The following RASSF8 variants were observed in gnomAD, a reference collection of about 807,000 sequenced individuals.
RASSF8 encodes the protein ras association domain-containing protein 8.
A neutral mutation model predicts 48.5 loss-of-function variants in RASSF8; 22 were observed. The ratio of observed to expected loss-of-function variants is 0.45; its 90% confidence interval spans 0.32 to 0.65. RASSF8 has a LOEUF of 0.65. Among genes scored for constraint, RASSF8 ranks in the 30% least tolerant of loss-of-function variants. The pLI is 0.03. For synonymous variants in RASSF8, 127 were observed against 171.5 expected (o/e 0.74, Z 2.03); for missense variants, 418 against 489.2 (o/e 0.85, Z 1.37).
rs1454373644 is a variant in RASSF8 at position 26,035,410 on chromosome 12, T to TATATA, written c.-108-19824_-108-19820dup. ...ATATAATTATATGAAATTATATAAT[T>TATATA]ATATAAGTATATGAAATTATATAAT... On this transcript the variant is annotated intron_variant, in intron 2 of 5. Transcript: ENST00000689635. 1.6e-3 allele frequency among the ~76,000 whole-genome samples: 223 copies of TATATA among 138,300 alleles called. 1 individual carries two copies. The highest frequency in any genetic ancestry group is 5.8e-3 in the African/African-American group (217 of 37,298). The allele number at this position is 138,300 out of a possible 152,430, so 90.7% of individuals were successfully genotyped here.
chr12:26,068,917 A>C lies in RASSF8; in HGVS notation c.*99A>C. ...TGATGAACAGAGGATCTATTCCACA[A>C]GACGCTGTATGTTTTTTCTCTCCTA... On this transcript the variant is annotated 3_prime_UTR_variant, in exon 6 of 6. Coordinates refer to ENST00000689635, the MANE Select transcript of RASSF8 (RefSeq NM_001394098.1). 1 of 1,481,406 alleles carries C rather than the reference A, an allele frequency of 6.8e-7. No homozygotes were observed. Among genetic ancestry groups the C allele is most frequent in the Non-Finnish European group, 8.9e-7 (1 of 1,118,848 alleles). The allele number at this position is 1,481,406 out of a possible 1,614,324, so 91.8% of individuals were successfully genotyped here.
chr12:25,962,599 T>C (rs1281135276), intron 1 of RASSF8, among the ~76,000 whole-genome samples: 1 of 149,730 alleles, frequency 6.7e-6, no homozygotes, highest in Non-Finnish European at 1.5e-5. Flanking sequence ...TATCTTTATC[T>C]TTTTTTTTTG....
At chr12:26,026,836 C>T (rs559368049) in intron 2 of RASSF8, among the ~76,000 whole-genome samples, 1 of 152,250 alleles carries the variant, frequency 6.6e-6, no homozygotes, top group Non-Finnish European at 1.5e-5. Context: ...AACAGTCTGG[C>T]AGTTCTTGAA....
At chr12:25,962,025 C>A (rs921577189) in intron 1 of RASSF8, among the ~76,000 whole-genome samples, 1 of 151,274 alleles carries the variant, frequency 6.6e-6, no homozygotes, top group African/African-American at 2.4e-5. Context: ...CTCTGCACCC[C>A]TTGCAGTCTG....
chr12:26,025,553 ACT>A lies in RASSF8; in HGVS notation c.-108-29680_-108-29679del, dbSNP rs1447937655. Among the ~76,000 whole-genome samples, 5 of 118,752 alleles carry A rather than the reference ACT, an allele frequency of 4.2e-5. No homozygotes were observed. In the East Asian group the frequency reaches 9.8e-4, roughly 23 times the overall value. The allele number at this position is 118,752 out of a possible 152,430, so 77.9% of individuals were successfully genotyped here. On this transcript the variant is annotated intron_variant, in intron 2 of 5. Coordinates refer to ENST00000689635, the MANE Select transcript of RASSF8 (RefSeq NM_001394098.1). ...CTCTAGCCCTGGGCGACAGAGTGAGACTCTGTCTCAAAAAAAAAAAAAAAAAA... is the reference window on the plus strand; with the variant it reads ...CTCTAGCCCTGGGCGACAGAGTGAGACTGTCTCAAAAAAAAAAAAAAAAAA...
intron 3 of RASSF8, among the ~76,000 whole-genome samples, chr12:26,059,046 T>C (rs1260885461): frequency 6.6e-6 from 1 of 152,226 alleles, no homozygotes; most frequent in Non-Finnish European, 1.5e-5. Context: ...GAAATGCATT[T>C]TTTTCAGAGT....
intron 1 of RASSF8, among the ~76,000 whole-genome samples, chr12:25,984,956 A>G (rs929579480): frequency 1.3e-5 from 2 of 152,188 alleles, no homozygotes; most frequent in Non-Finnish European, 2.9e-5. Flanking sequence ...GCCAAATTTT[A>G]TGGACATTAA....
intron 1 of RASSF8, among the ~76,000 whole-genome samples, chr12:25,993,125 A>C (rs752532559): frequency 1.2e-4 from 19 of 152,282 alleles, no homozygotes; most frequent in Non-Finnish European, 2.4e-4. Flanking sequence ...AGCACATTAC[A>C]TTCCCAGGGT....
At chr12:26,010,282 C>G (rs2137018775) in intron 2 of RASSF8, among the ~76,000 whole-genome samples, 2 of 152,306 alleles carry the variant, frequency 1.3e-5, no homozygotes, top group East Asian at 3.9e-4. Context: ...AAGGTAGAAC[C>G]AATGGCTTTT....
chr12:26,069,851 C>G lies in RASSF8; in HGVS notation c.*1033C>G. The G allele has an allele frequency of 2.0e-6, 2 of 984,996 alleles. No individual in the cohort carries two copies. The highest frequency in any genetic ancestry group is 2.4e-6 in the Non-Finnish European group (2 of 829,582). The allele number at this position is 984,996 out of a possible 1,614,324, so 61.0% of individuals were successfully genotyped here. ...ATATTATGGACCATTGTGGTTTCTT[C>G]CAGTCACTTAGATGGAAAGGAGGTT... is the stretch of plus-strand genomic sequence containing the variant. On this transcript the variant is annotated 3_prime_UTR_variant, in exon 6 of 6. Transcript: ENST00000689635.
chr12:26,036,694 G>C (rs764693939), intron 2 of RASSF8, among the ~76,000 whole-genome samples: 62 of 152,106 alleles, frequency 4.1e-4, no homozygotes, highest in Non-Finnish European at 7.2e-4. Context: ...GATCACCTGA[G>C]GTCAGGAGTT....
At chr12:26,001,199 A>ATTTT (rs34731435) in intron 2 of RASSF8, among the ~76,000 whole-genome samples, 3 of 136,944 alleles carry the variant, frequency 2.2e-5, no homozygotes, top group Non-Finnish European at 3.1e-5. Context: ...CTAATTTTTA[A>ATTTT]TTTTTTTTTT....
chr12:26,039,488 C>T (rs983481708), intron 2 of RASSF8, among the ~76,000 whole-genome samples: 2 of 151,636 alleles, frequency 1.3e-5, no homozygotes, highest in East Asian at 1.9e-4. Flanking sequence ...GGGCGGGGGT[C>T]GGTGTTGCAA....
Position 25,993,627 on chromosome 12 carries a change from G to T in RASSF8, c.-202-1410G>T, listed in dbSNP as rs150044730. ...TCCAGTCGTCTTTCGCAGCAGGGTT[G>T]ACCCTTCATTGCTTTTTGGATGGCA... On this transcript the variant is annotated intron_variant, in intron 1 of 5. Coordinates refer to ENST00000689635, the MANE Select transcript of RASSF8 (RefSeq NM_001394098.1). Among the ~76,000 whole-genome samples the T allele has an allele frequency of 3.2e-3, 486 of 152,242 alleles. 2 individuals carry two copies. The highest frequency in any genetic ancestry group is 0.011 in the African/African-American group (443 of 41,536).
chr12:26,068,992 A>C lies in RASSF8; in HGVS notation c.*174A>C. On this transcript the variant is annotated 3_prime_UTR_variant, in exon 6 of 6. Transcript: ENST00000689635. ...CCCTGTGCACTGATGCTAAAGAACA[A>C]AGAAACTGTGTTTTCACACATCAAC... The C allele has an allele frequency of 2.2e-6, 3 of 1,341,070 alleles. No homozygotes were observed. Among genetic ancestry groups the C allele is most frequent in the Non-Finnish European group, 2.9e-6 (3 of 1,044,514 alleles). 83.1% of individuals were successfully genotyped at this position (1,341,070 alleles called of 1,614,324 possible).
Position 26,072,831 on chromosome 12 carries a change from A to T in RASSF8, c.*4013A>T. On this transcript the variant is annotated 3_prime_UTR_variant, in exon 6 of 6. Transcript: ENST00000689635. Reference sequence around the variant, plus strand: ...GTAAAACAAAGAATCAATATTGGATATTCTCCCAAATAATAAATTTTCAGG... The same window carrying T: ...GTAAAACAAAGAATCAATATTGGATTTTCTCCCAAATAATAAATTTTCAGG... 1 of 909,472 alleles carries T rather than the reference A, an allele frequency of 1.1e-6. No individual in the cohort carries two copies. The highest frequency in any genetic ancestry group is 1.3e-6 in the Non-Finnish European group (1 of 760,962). The allele number at this position is 909,472 out of a possible 1,614,324, so 56.3% of individuals were successfully genotyped here. A position where few individuals can be genotyped will look rare whatever the true frequency, so the allele number is the denominator to read the frequency against.
chr12:26,043,744 A>T (rs1345807310), intron 2 of RASSF8, among the ~76,000 whole-genome samples: 2 of 152,228 alleles, frequency 1.3e-5, no homozygotes, highest in East Asian at 3.8e-4. Flanking sequence ...TACTGCAGAG[A>T]GAAAGAATGG....
At chr12:25,988,466 A>G (rs556209803) in intron 1 of RASSF8, among the ~76,000 whole-genome samples, 35 of 152,318 alleles carry the variant, frequency 2.3e-4, no homozygotes, top group African/African-American at 7.2e-4. Context: ...AGTATTTAGA[A>G]AAATTTCCAG....
intron 2 of RASSF8, among the ~76,000 whole-genome samples, chr12:26,006,207 C>A (rs1383580951): frequency 6.6e-6 from 1 of 152,200 alleles, no homozygotes; most frequent in African/African-American, 2.4e-5. Context: ...CTTCCCTTCC[C>A]TTCAGGATGT....
Sources: allele counts gnomAD v4.1 joint callset (sites outside exome capture counted in the v4.1 genomes callset), GRCh38; gene constraint gnomAD v4.1.1; transcripts MANE v1.5; gene names NCBI Gene and HGNC (gene_info 2026-07-23, HGNC 2026-07-21).